CC2D2A: variants seen among roughly 807,000 people sequenced by gnomAD.
CC2D2A encodes the protein coiled-coil and C2 domain containing 2A.
In CC2D2A, 155 loss-of-function variants were observed where a neutral mutation model predicts 212.9. The ratio of observed to expected loss-of-function variants is 0.73; its 90% confidence interval spans 0.64 to 0.83. The LOEUF (loss-of-function observed/expected upper bound fraction) is 0.83, where lower values mean the gene tolerates loss of function less well. Among genes scored for constraint, CC2D2A ranks in the 40% least tolerant of loss-of-function variants. The pLI is 0.00. For synonymous variants in CC2D2A, 667 were observed against 686.5 expected, an observed-to-expected ratio of 0.97 and a Z score of 0.44; for missense variants, 1,856 against 1,956.2, an observed-to-expected ratio of 0.95 and a Z score of 0.97.
intron 29 of CC2D2A, among the ~76,000 whole-genome samples, chr4:15,574,791 A>G (rs192025929): frequency 1.8e-3 from 274 of 152,364 alleles, no homozygotes; most frequent in Middle Eastern, 0.01. Flanking sequence ...GACCTTCATG[A>G]GTCACCTCAA....
chr4:15,566,940 A>G (rs1719908132), intron 24 of CC2D2A, among the ~76,000 whole-genome samples: 1 of 151,940 alleles, frequency 6.6e-6, no homozygotes, highest in Admixed American at 6.5e-5. Context: ...ATGCCACTGC[A>G]CTCCAGCCTG....
intron 3 of CC2D2A, among the ~76,000 whole-genome samples, chr4:15,480,074 C>G (rs774902635): frequency 4.6e-4 from 70 of 152,184 alleles, no homozygotes; most frequent in Non-Finnish European, 9.6e-4. Context: ...GTGCTTTCTA[C>G]AGTGACTCAA....
rs111618236 is a variant in CC2D2A at position 15,479,460 on chromosome 4, C to G, written c.123+654C>G. 1,357 of 750,902 alleles carry G rather than the reference C, an allele frequency of 1.8e-3. 17 individuals are homozygous for G. The African/African-American group carries it at 0.021, about 12-fold the overall frequency. The allele number at this position is 750,902 out of a possible 1,614,324, so 46.5% of individuals were successfully genotyped here. ...GGAGAGAAGCGCCATTTTGAGCCAG[C>G]AGTCACGTGAAGGGGCTGCAGAGAG... On this transcript the variant is annotated intron_variant, in intron 3 of 36. Transcript: ENST00000424120.
At chr4:15,600,689 C>A (rs1370450005) in intron 36 of CC2D2A, among the ~76,000 whole-genome samples, 1 of 151,842 alleles carries the variant, frequency 6.6e-6, no homozygotes, top group African/African-American at 2.4e-5. Context: ...ATCGCTTGAG[C>A]CCTGGAGTTC....
In CC2D2A at chr4:15,589,670, T is replaced by A. The variant is rs1721005215; in HGVS notation, c.4305T>A (p.Gly1435=). 3.2e-6 allele frequency: 5 copies of A among 1,560,448 alleles called. No homozygotes were observed. The highest frequency in any genetic ancestry group is 1.7e-4 in the Middle Eastern group (1 of 5,876). The part of the protein sequence containing the change: ...CPLKNVGCLI[G]PDNIWFNIQR... ...TGAAAAATGTGGGCTGTTTAATAGG[T>A]CCTGACAATGTAAGTATTAACATTT... Residue 1435 remains glycine (G), a synonymous_variant, in exon 33 of 37, where the codon GGT becomes GGA. Coordinates refer to ENST00000424120, the MANE Select transcript of CC2D2A (RefSeq NM_001378615.1).
At chr4:15,550,675 T>C (rs1718949546) in intron 17 of CC2D2A, 149 bp from the exon 18 acceptor site, 2 of 483,720 alleles carry the variant, frequency 4.1e-6, no homozygotes, top group African/African-American at 3.9e-5. Context: ...GGAAACCATA[T>C]AGTAACACAA....
In CC2D2A at chr4:15,527,662, T is replaced by C. The variant is rs1553829779; in HGVS notation, c.1359+6T>C. 1 of 1,588,158 alleles carries C rather than the reference T, an allele frequency of 6.3e-7. No individual in the cohort carries two copies. ...CGAAATTTCTTACTGATAAGGTACA[T>C]GTGATTTCTTCCATAATGATTGTCA... On this transcript the variant is annotated splice_donor_region_variant and intron_variant, in intron 12 of 36. Coordinates refer to ENST00000424120, the MANE Select transcript of CC2D2A (RefSeq NM_001378615.1).
At chr4:15,552,931 C>T (rs1006829401) in intron 18 of CC2D2A, among the ~76,000 whole-genome samples, 10 of 152,224 alleles carry the variant, frequency 6.6e-5, no homozygotes, top group Admixed American at 6.5e-4. Flanking sequence ...TGGACCCACT[C>T]GAGAGTGCGT....
intron 28 of CC2D2A, 70 bp downstream of exon 28, chr4:15,570,566 C>A (rs1577385479): frequency 2.7e-6 from 3 of 1,113,536 alleles, no homozygotes; most frequent in East Asian, 5.2e-5. Flanking sequence ...TTAAAACGTT[C>A]TTTGTGGGCC....
intron 4 of CC2D2A, among the ~76,000 whole-genome samples, chr4:15,484,162 G>A (rs1164655877): frequency 4.6e-5 from 7 of 152,158 alleles, no homozygotes; most frequent in East Asian, 1.9e-4. Flanking sequence ...AGAATAAGCT[G>A]GCAGGACTGC....
chr4:15,555,034 G>A, intron 19 of CC2D2A, 38 bp from the exon 20 acceptor site: 1 of 1,584,516 alleles, frequency 6.3e-7, no homozygotes, highest in Non-Finnish European at 8.6e-7. Context: ...ACTGTTCTGT[G>A]GTCAAGTCAG....
chr4:15,551,324 G>A (rs780361631), intron 18 of CC2D2A, among the ~76,000 whole-genome samples: 1 of 152,126 alleles, frequency 6.6e-6, no homozygotes, highest in Non-Finnish European at 1.5e-5. Flanking sequence ...TCACAGTGTT[G>A]TTCATAAGCC....
intron 4 of CC2D2A, among the ~76,000 whole-genome samples, chr4:15,501,717 C>G (rs1715963550): frequency 6.6e-6 from 1 of 152,120 alleles, no homozygotes; most frequent in South Asian, 2.1e-4. Context: ...GATGGTAGAG[C>G]CATTTATCAC....
rs764271571 is a variant in CC2D2A, at chr4:15,533,251, A to G, written c.1525A>G (p.Ile509Val). ...QEKDRTLLKT[I>V]IKVWKEMKSL... ...AAAAGATAGAACATTGCTTAAGACT[A>G]TCATAAAAGTTTGGAAAGAGATGAA... The change falls in exon 14 of 37, where the codon ATC becomes GTC. Residue 509 changes from isoleucine (I) to valine (V), a missense_variant. By Grantham distance (29) the Ile-to-Val change is conservative. Coordinates refer to ENST00000424120, the MANE Select transcript of CC2D2A (RefSeq NM_001378615.1). The G allele has an allele frequency of 1.9e-6, 3 of 1,603,094 alleles. No homozygotes were observed. In the East Asian group the frequency reaches 6.7e-5, roughly 36 times the overall value.
Position 15,599,721 on chromosome 4 carries a change from G to T in CC2D2A, c.4674+15G>T. 6.4e-7 allele frequency: 1 copy of T among 1,562,130 alleles called. No individual in the cohort carries two copies. Among genetic ancestry groups the T allele is most frequent in the Non-Finnish European group, 8.7e-7 (1 of 1,144,772 alleles). The stretch of plus-strand genomic sequence containing the variant: ...GAGACTACAGGGTAAGTTACAAATG[G>T]ATCCTAAACTGACTGTGGATTTCCT... On this transcript the variant is annotated intron_variant, in intron 36 of 36. Transcript: ENST00000424120.
intron 3 of CC2D2A, chr4:15,479,102 G>C: frequency 1.3e-6 from 1 of 771,434 alleles, no homozygotes; most frequent in East Asian, 2.7e-5. Context: ...GAAGGAGCCT[G>C]TTTTAGTGCT....
chr4:15,523,716 G>C (rs888115518), intron 11 of CC2D2A, among the ~76,000 whole-genome samples: 5 of 152,180 alleles, frequency 3.3e-5, no homozygotes, highest in African/African-American at 9.7e-5. Flanking sequence ...ATGCCGGCAG[G>C]CCTCTCTTCC....
At chr4:15,549,686 CCAG>C (rs1718898898) in intron 17 of CC2D2A, among the ~76,000 whole-genome samples, 2 of 152,092 alleles carry the variant, frequency 1.3e-5, no homozygotes, top group Non-Finnish European at 2.9e-5. Context: ...GCCTGTAATC[CCAG>C]CTACTTGCGG....
chr4:15,578,847 G>A (rs1340280309), intron 29 of CC2D2A, among the ~76,000 whole-genome samples: 1 of 150,938 alleles, frequency 6.6e-6, no homozygotes, highest in Non-Finnish European at 1.5e-5. Flanking sequence ...CCATTATGTT[G>A]CCCAGGCTGG....
Sources: gnomAD v4.1 joint callset for allele counts (sites outside exome capture counted in the v4.1 genomes callset) on GRCh38, gnomAD v4.1.1 for gene constraint, MANE v1.5 for transcripts, NCBI Gene and HGNC (gene_info 2026-07-23, HGNC 2026-07-21) for gene names.